IDUA: variants seen among roughly 807,000 people sequenced by gnomAD.
IDUA encodes the protein alpha-L-iduronidase.
Under a neutral mutation model 68.9 loss-of-function variants are expected in IDUA, and 65 were observed. The observed-to-expected ratio is 0.94, with a 90% CI of 0.77 to 1.16. IDUA has a LOEUF of 1.16. IDUA is among the 50% of genes most tolerant of loss of function. The pLI, the probability that IDUA is intolerant of heterozygous loss-of-function variation, is 0.00. For missense variants in IDUA, 1,046 were observed against 938.0 expected (o/e 1.12, Z -1.50); for synonymous variants, 529 against 433.6 (o/e 1.22, Z -2.73).
intron 4 of IDUA, 109 bp from the exon 5 acceptor site, chr4:1,001,359 T>C (rs1036028972): frequency 3.2e-6 from 3 of 930,112 alleles, no homozygotes; most frequent in African/African-American, 3.2e-5. Context: ...TGCATGGAGA[T>C]GGGGTTCATC....
At chr4:1,000,247 C>T (rs1215839502) in intron 2 of IDUA, among the ~76,000 whole-genome samples, 1 of 152,206 alleles carries the variant, frequency 6.6e-6, no homozygotes, top group Admixed American at 6.5e-5. Flanking sequence ...CCTGGGCCTC[C>T]AGGAGGTGCA....
Position 1,003,374 on chromosome 4 carries a change from A to T in IDUA, c.1554A>T (p.Leu518Phe). 2 of 1,487,560 alleles carry T rather than the reference A, an allele frequency of 1.3e-6. No individual in the cohort carries two copies. The highest frequency in any genetic ancestry group is 1.8e-6 in the Non-Finnish European group (2 of 1,128,340). The allele number at this position is 1,487,560 out of a possible 1,614,324, so 92.1% of individuals were successfully genotyped here. A position where few individuals can be genotyped will look rare whatever the true frequency, so the allele number is the denominator to read the frequency against. ...CGGTGGCCGCGGCGCCCCGCCCCTT[A>T]CCCGCCGGCGGCCGCCTGACCCTGC... The part of the protein sequence containing the change: ...EDPVAAAPRP[L>F]PAGGRLTLRP... The change falls in exon 11 of 14, where the codon TTA (leucine) becomes TTT (phenylalanine). Residue 518 changes from leucine (L) to phenylalanine (F), a missense_variant. Leu to Phe is a conservative substitution (Grantham distance 22). Transcript: ENST00000514224.
chr4:989,143 C>A, intron 2 of IDUA: 1 of 1,608,110 alleles, frequency 6.2e-7, no homozygotes, highest in South Asian at 1.1e-5. Context: ...CAGCGCAGCC[C>A]TGGTGCTAAC....
Position 1,002,875 on chromosome 4 carries a change from G to A in IDUA, c.1333G>A (p.Asp445Asn), listed in dbSNP as rs978831052. 1.4e-6 allele frequency: 2 copies of A among 1,441,266 alleles called. No homozygotes were observed. The highest frequency in any genetic ancestry group is 5.5e-5 in the Admixed American group (2 of 36,476). 89.3% of individuals were successfully genotyped at this position (1,441,266 alleles called of 1,614,324 possible). A position where few individuals can be genotyped will look rare whatever the true frequency, so the allele number is the denominator to read the frequency against. The change falls in exon 9 of 14, where the codon GAC (aspartate) becomes AAC (asparagine). Residue 445 changes from aspartate (D) to asparagine (N), a missense_variant. Asp to Asn is a conservative substitution (Grantham distance 23). Transcript: ENST00000514224. ...CGCGGTGCTGATCTACGCGAGCGACGACACCCGCGCCCACCCCAACCGCAG... is the reference window on the plus strand; with the variant it reads ...CGCGGTGCTGATCTACGCGAGCGACAACACCCGCGCCCACCCCAACCGCAG... ...RAAVLIYASD[D>N]TRAHPNRSVA... is the part of the protein sequence containing the mutation.
At chr4:988,764 C>G (rs1171352447) in intron 2 of IDUA, 1 of 1,455,958 alleles carries the variant, frequency 6.9e-7, no homozygotes, top group Non-Finnish European at 9.1e-7. Flanking sequence ...AGGGTCTCAG[C>G]AGTGGCTTGC....
Position 1,001,810 on chromosome 4 carries a change from T to G in IDUA, c.721T>G (p.Cys241Gly). 1 of 1,605,474 alleles carries G rather than the reference T, an allele frequency of 6.2e-7. No homozygotes were observed. The highest frequency in any genetic ancestry group is 1.3e-5 in the African/African-American group (1 of 74,978). ...GCTGAGCTGGGGCCTCCTGCGCCACTGCCACGACGGTACCAACTTCTTCAC... is the reference window on the plus strand; with the variant it reads ...GCTGAGCTGGGGCCTCCTGCGCCACGGCCACGACGGTACCAACTTCTTCAC... ...SPLSWGLLRHCHDGTNFFTGE... is the reference protein window; with the variant it reads ...SPLSWGLLRHGHDGTNFFTGE... Residue 241 changes from cysteine (C) to glycine (G), a missense_variant, in exon 6 of 14, where the codon TGC becomes GGC. Transcript: ENST00000514224.
chr4:989,564 C>T (rs1434315703), intron 2 of IDUA: 3 of 1,588,338 alleles, frequency 1.9e-6, no homozygotes, highest in Non-Finnish European at 2.6e-6. Context: ...CGCGGGAGGT[C>T]CCACACCTTG....
chr4:997,909 T>A lies in IDUA; in HGVS notation c.300-2703T>A, dbSNP rs183390189. Among the ~76,000 whole-genome samples the A allele has an allele frequency of 5.4e-4, 82 of 151,934 alleles. 1 individual carries two copies. Among genetic ancestry groups the A allele is most frequent in the African/African-American group, 2.0e-3 (81 of 41,462 alleles). On this transcript the variant is annotated intron_variant, in intron 2 of 13. Coordinates refer to ENST00000514224, the MANE Select transcript of IDUA (RefSeq NM_000203.5). ...CCAGGGACATCTCTGATGCTGGGGCTCCCCCCGCTAGGGTCAGGGGCTGCC... is the reference window on the plus strand; with the variant it reads ...CCAGGGACATCTCTGATGCTGGGGCACCCCCCGCTAGGGTCAGGGGCTGCC...
At chr4:994,745 C>T (rs1054754217) in intron 2 of IDUA, among the ~76,000 whole-genome samples, 5 of 148,052 alleles carry the variant, frequency 3.4e-5, no homozygotes, top group Admixed American at 1.3e-4. Flanking sequence ...CCGCCCCCTG[C>T]CCCCCAACCT....
chr4:1,003,973 G>A lies in IDUA; in HGVS notation c.1728-39G>A, dbSNP rs766284520. On this transcript the variant is annotated intron_variant, in intron 12 of 13. Coordinates refer to ENST00000514224, the MANE Select transcript of IDUA (RefSeq NM_000203.5). ...CTGCCTGCTCCCACCTTTGAGGACT[G>A]TCTTGACCCCAGCCTTGTTCTTGGC... The A allele has an allele frequency of 2.6e-6, 4 of 1,534,680 alleles. No homozygotes were observed. In the East Asian group the frequency reaches 9.0e-5, roughly 35 times the overall value.
rs1474838178 is a variant in IDUA at position 991,296 on chromosome 4, C to G, written c.299+3347C>G. On this transcript the variant is annotated intron_variant, in intron 2 of 13. Transcript: ENST00000514224. Reference sequence around the variant, plus strand: ...CGGCCAGCTGGAGCTCCCGGTCCACCACCTGCCCCACCATGAGGCAAAGCA... The same window carrying G: ...CGGCCAGCTGGAGCTCCCGGTCCACGACCTGCCCCACCATGAGGCAAAGCA... 1.1e-5 allele frequency: 17 copies of G among 1,612,674 alleles called. No individual in the cohort carries two copies. The highest frequency in any genetic ancestry group is 1.7e-5 in the Admixed American group (1 of 60,010).
chr4:1,003,814 G>T, intron 12 of IDUA, 189 bp downstream of exon 12: 2 of 781,102 alleles, frequency 2.6e-6, no homozygotes, highest in Non-Finnish European at 2.2e-6. Context: ...TGGGGTGTGG[G>T]TTCTCCTAGG....
rs746110764 is a variant in IDUA, at chr4:1,003,068, G to C, written c.1435G>C (p.Gly479Arg). Residue 479 changes from glycine (G) to arginine (R), a missense_variant, in exon 10 of 14, where the codon GGG becomes CGG. Physicochemically the swap from Gly to Arg is moderately radical, Grantham distance 125 (BLOSUM62 -2). Transcript: ENST00000514224. ...LVYVTRYLDN[G>R]LCSPDGEWRR... is the part of the protein sequence containing the mutation. ...CTACGTCACGCGCTACCTGGACAAC[G>C]GGCTCTGCAGCCCCGACGGCGAGTG... 46 of 1,520,848 alleles carry C rather than the reference G, an allele frequency of 3.0e-5. No individual in the cohort carries two copies. The highest frequency in any genetic ancestry group is 3.4e-5 in the Non-Finnish European group (39 of 1,143,242). 94.2% of individuals were successfully genotyped at this position (1,520,848 alleles called of 1,614,324 possible). A position where few individuals can be genotyped will look rare whatever the true frequency, so the allele number is the denominator to read the frequency against.
chr4:1,002,181 T>C lies in IDUA; in HGVS notation c.972+20T>C, dbSNP rs1178318766. Reference sequence around the variant, plus strand: ...GTGAAGGTGGGCCGGCCCAACGCCCTGCGCGCCCCCCGGCCACCTTCCTCC... The same window carrying C: ...GTGAAGGTGGGCCGGCCCAACGCCCCGCGCGCCCCCCGGCCACCTTCCTCC... On this transcript the variant is annotated intron_variant, in intron 7 of 13. Transcript: ENST00000514224. 6.4e-7 allele frequency: 1 copy of C among 1,558,576 alleles called. No homozygotes were observed.
Position 1,004,538 on chromosome 4 carries a change from C to T in IDUA, c.*145C>T, listed in dbSNP as rs1392455829. On this transcript the variant is annotated 3_prime_UTR_variant, in exon 14 of 14. Transcript: ENST00000514224. This position sits in a 1 kb window ranked among gnomAD's most constrained non-coding sequence, Gnocchi z 5.0. The stretch of plus-strand genomic sequence containing the variant: ...TCTTTTATATCTTGGTACCAACGCC[C>T]CCTTTAAAGCGGCTTTGCACAGGTC... The T allele has an allele frequency of 4.7e-6, 4 of 843,060 alleles. No homozygotes were observed. The highest frequency in any genetic ancestry group is 3.9e-5 in the South Asian group (2 of 51,822). The allele number at this position is 843,060 out of a possible 1,614,324, so 52.2% of individuals were successfully genotyped here.
chr4:1,000,947 G>C lies in IDUA; in HGVS notation c.451G>C (p.Glu151Gln), dbSNP rs767339070. The part of the protein sequence containing the change: ...TDFEDKQQVF[E>Q]WKDLVSSLAR... The stretch of plus-strand genomic sequence containing the variant: ...CTTTGAGGACAAGCAGCAGGTGTTT[G>C]AGTGGAAGGACTTGGTCTCCAGCCT... Residue 151 changes from glutamate to glutamine, a missense_variant, in exon 4 of 14, where the codon GAG (glutamate) becomes CAG (glutamine). Coordinates refer to ENST00000514224, the MANE Select transcript of IDUA (RefSeq NM_000203.5). 2 of 1,613,328 alleles carry C rather than the reference G, an allele frequency of 1.2e-6. No individual in the cohort carries two copies. Among genetic ancestry groups the C allele is most frequent in the African/African-American group, 1.3e-5 (1 of 74,954 alleles).
rs1713795637 is a variant in IDUA at position 987,189 on chromosome 4, C to CGCG, written c.108_110dup (p.Ala37dup). 1 of 1,475,604 alleles carries CGCG rather than the reference C, an allele frequency of 6.8e-7. No individual in the cohort carries two copies. The allele number at this position is 1,475,604 out of a possible 1,614,324, so 91.4% of individuals were successfully genotyped here. A position where few individuals can be genotyped will look rare whatever the true frequency, so the allele number is the denominator to read the frequency against. On this transcript the variant is annotated inframe_insertion, in exon 1 of 14. Coordinates refer to ENST00000514224, the MANE Select transcript of IDUA (RefSeq NM_000203.5). The stretch of plus-strand genomic sequence containing the variant: ...AGGCCCCGCACCTGGTGCATGTGGA[C>CGCG]GCGGCCCGCGCGCTGTGGCCCCTGC...
chr4:991,593 G>C, intron 2 of IDUA: 1 of 1,597,412 alleles, frequency 6.3e-7, no homozygotes, highest in Non-Finnish European at 8.5e-7. Context: ...ACGAGCAGCT[G>C]CACCACAGCC....
intron 2 of IDUA, chr4:990,270 G>A: frequency 1.3e-6 from 2 of 1,597,540 alleles, no homozygotes; most frequent in African/African-American, 1.3e-5. Context: ...GCGAGGTCAG[G>A]ATGGTCACGG....
Sources: gnomAD v4.1 joint callset for allele counts (sites outside exome capture counted in the v4.1 genomes callset) on GRCh38, gnomAD v4.1.1 for gene constraint, Gnocchi (gnomAD v3.1) non-coding constraint, MANE v1.5 for transcripts, NCBI Gene and HGNC (gene_info 2026-07-23, HGNC 2026-07-21) for gene names.